NKAIN3: variants seen among roughly 807,000 people sequenced by gnomAD.
NKAIN3 encodes the protein sodium/potassium transporting ATPase interacting 3.
Under a neutral mutation model 30.2 loss-of-function variants are expected in NKAIN3, and 25 were observed. The ratio of observed to expected loss-of-function variants is 0.83; its 90% CI spans 0.60 to 1.16. NKAIN3 has a LOEUF of 1.16. NKAIN3 is among the 50% of genes most tolerant of loss of function. The pLI is 0.00. For synonymous variants in NKAIN3, 91 were observed against 89.6 expected, an observed-to-expected ratio of 1.02 and a Z score of -0.09; for missense variants, 225 against 254.1, an observed-to-expected ratio of 0.89 and a Z score of 0.78.
At chr8:62,788,806 G>T (rs186852513) in intron 4 of NKAIN3, among the ~76,000 whole-genome samples, 3,994 of 151,820 alleles carry the variant, frequency 0.026, 181 homozygotes, top group African/African-American at 0.091. Flanking sequence ...TTTCCCCATT[G>T]CTTGTTTTTG....
chr8:62,567,142 T>C (rs1228560046), intron 1 of NKAIN3, among the ~76,000 whole-genome samples: 2 of 152,150 alleles, frequency 1.3e-5, no homozygotes, highest in East Asian at 3.9e-4. Context: ...AATGAAAACT[T>C]CCAGTGGATT....
intron 4 of NKAIN3, among the ~76,000 whole-genome samples, chr8:62,887,379 C>T (rs1485359978): frequency 6.6e-6 from 1 of 151,924 alleles, no homozygotes; most frequent in Non-Finnish European, 1.5e-5. Flanking sequence ...GTTCTTGGAG[C>T]TTCTTGGATC....
intron 1 of NKAIN3, among the ~76,000 whole-genome samples, chr8:62,350,338 CATT>C (rs1180213673): frequency 3.9e-5 from 6 of 152,100 alleles, no homozygotes; most frequent in Admixed American, 1.3e-4. Flanking sequence ...ACCTTGAAAA[CATT>C]ATACTAAATG....
intron 3 of NKAIN3, among the ~76,000 whole-genome samples, chr8:62,717,332 G>C (rs544093496): frequency 4.6e-5 from 7 of 152,130 alleles, no homozygotes; most frequent in Non-Finnish European, 8.8e-5. Context: ...AACATATTAA[G>C]CTTCTCAAAT....
intron 3 of NKAIN3, among the ~76,000 whole-genome samples, chr8:62,659,435 C>A (rs1195088089): frequency 6.6e-6 from 1 of 152,168 alleles, no homozygotes; most frequent in Non-Finnish European, 1.5e-5. Flanking sequence ...ATGAGAAATA[C>A]CTTAGAGCCT....
chr8:62,329,556 T>C (rs1176860806), intron 1 of NKAIN3, among the ~76,000 whole-genome samples: 2 of 152,122 alleles, frequency 1.3e-5, no homozygotes, highest in African/African-American at 2.4e-5. Context: ...GTGTATTCAA[T>C]GTTTAGTTTC....
At chr8:62,408,844 T>C (rs1804154021) in intron 1 of NKAIN3, among the ~76,000 whole-genome samples, 1 of 152,216 alleles carries the variant, frequency 6.6e-6, no homozygotes, top group Non-Finnish European at 1.5e-5. Context: ...AACTTTGCTT[T>C]AAAAACTTCT....
chr8:62,654,399 A>G (rs1190380651), intron 3 of NKAIN3, among the ~76,000 whole-genome samples: 1 of 152,166 alleles, frequency 6.6e-6, no homozygotes, highest in African/African-American at 2.4e-5. Context: ...AACTCTCCTA[A>G]GACAGGTCAT....
At chr8:62,479,756 G>A (rs916628436) in intron 1 of NKAIN3, among the ~76,000 whole-genome samples, 3 of 152,110 alleles carry the variant, frequency 2.0e-5, no homozygotes, top group African/African-American at 7.2e-5. Flanking sequence ...GATGAGGAAT[G>A]TCCCAGCCCT....
At chr8:62,394,957 A>T (rs1171692000) in intron 1 of NKAIN3, among the ~76,000 whole-genome samples, 1 of 148,092 alleles carries the variant, frequency 6.8e-6, no homozygotes, top group Admixed American at 6.7e-5. Flanking sequence ...AGCCAAGCAG[A>T]GGCGCTCCTC....
intron 1 of NKAIN3, among the ~76,000 whole-genome samples, chr8:62,409,881 C>T (rs1378181408): frequency 2.6e-5 from 4 of 151,648 alleles, no homozygotes. Flanking sequence ...AGTCCTGGCT[C>T]ACTTTTTATT....
intron 1 of NKAIN3, among the ~76,000 whole-genome samples, chr8:62,519,538 G>T (rs1465683913): frequency 6.6e-6 from 1 of 152,072 alleles, no homozygotes; most frequent in East Asian, 1.9e-4. Flanking sequence ...ACACCTGAAG[G>T]AGATTCAAAG....
chr8:62,903,118 C>T (rs117050504), intron 4 of NKAIN3, among the ~76,000 whole-genome samples: 2,814 of 152,208 alleles, frequency 0.018, 38 homozygotes, highest in Middle Eastern at 0.051. Flanking sequence ...CAGTAAATCC[C>T]CAGAGCTTGA....
chr8:62,964,165 G>T (rs115581842), intron 6 of NKAIN3, among the ~76,000 whole-genome samples: 1 of 152,198 alleles, frequency 6.6e-6, no homozygotes, highest in Non-Finnish European at 1.5e-5. Context: ...GTTGCTCTTA[G>T]CAGGATGAGA....
intron 4 of NKAIN3, among the ~76,000 whole-genome samples, chr8:62,802,663 C>A (rs534392573): frequency 9.9e-5 from 15 of 152,032 alleles, no homozygotes; most frequent in Non-Finnish European, 2.2e-4. Flanking sequence ...CAAAATCATG[C>A]CAAATTGTAA....
chr8:62,850,727 G>T (rs892408207), intron 4 of NKAIN3, among the ~76,000 whole-genome samples: 12 of 151,978 alleles, frequency 7.9e-5, no homozygotes, highest in Non-Finnish European at 1.3e-4. Context: ...TTTCCCCATT[G>T]CTTGTTTTTC....
At chr8:62,841,993 A>G (rs2130760925) in intron 4 of NKAIN3, among the ~76,000 whole-genome samples, 1 of 152,244 alleles carries the variant, frequency 6.6e-6, no homozygotes. Context: ...TTTTGGTAAA[A>G]GCCATTCTAT....
chr8:62,315,766 T>C (rs921153941), intron 1 of NKAIN3, among the ~76,000 whole-genome samples: 5 of 152,214 alleles, frequency 3.3e-5, no homozygotes, highest in Non-Finnish European at 5.9e-5. Flanking sequence ...AATTTATCTC[T>C]GGTCCAAGTG....
At chr8:62,577,068 T>G (rs1338958209) in intron 1 of NKAIN3, among the ~76,000 whole-genome samples, 1 of 152,140 alleles carries the variant, frequency 6.6e-6, no homozygotes, top group Admixed American at 6.6e-5. Flanking sequence ...TTGTTTTTAG[T>G]TACCTTTTCA....
Sources: allele counts gnomAD v4.1 joint callset (sites outside exome capture counted in the v4.1 genomes callset), GRCh38; gene constraint gnomAD v4.1.1; transcripts MANE v1.5; gene names NCBI Gene and HGNC (gene_info 2026-07-23, HGNC 2026-07-21).